GPC6: variants seen among roughly 807,000 people sequenced by gnomAD.
The protein encoded by GPC6 is glypican 6, also known as glypican-6.
Under a neutral mutation model 55.2 loss-of-function variants are expected in GPC6, and 14 were observed. The observed-to-expected ratio is 0.25, with a 90% CI of 0.17 to 0.40. GPC6 has a LOEUF of 0.40. Among genes scored for constraint, GPC6 ranks in the 10% least tolerant of loss-of-function variants. GPC6 has a pLI of 1.00. For missense variants in GPC6, 641 were observed against 708.5 expected (o/e 0.90, Z 1.08); for synonymous variants, 278 against 259.6 (o/e 1.07, Z -0.68).
At position 93,783,576 on chromosome 13, in the gene GPC6, G is replaced by GTCTATCTATCTATCTATCTATCTA. The variant is rs60855226; in HGVS notation, c.320-46573_320-46550dup. Among the ~76,000 whole-genome samples the GTCTATCTATCTATCTATCTATCTA allele has an allele frequency of 1.7e-4, 25 of 151,132 alleles. No homozygotes were observed. The South Asian group carries it at 3.1e-3, about 19-fold the overall frequency. On this transcript the variant is annotated intron_variant, in intron 2 of 8. Transcript: ENST00000377047. ...CTGTGGTTTTGAGATCTATCTATCT[G>GTCTATCTATCTATCTATCTATCTA]TCTATCTATCTATCTATCTATCTAT...
intron 4 of GPC6, among the ~76,000 whole-genome samples, chr13:94,128,300 T>C (rs1354685079): frequency 6.6e-6 from 1 of 152,134 alleles, no homozygotes; most frequent in Non-Finnish European, 1.5e-5. Flanking sequence ...GCTAAGTAAA[T>C]AATGATCACT....
chr13:93,757,674 C>G (rs1951846726), intron 2 of GPC6, among the ~76,000 whole-genome samples: 1 of 152,098 alleles, frequency 6.6e-6, no homozygotes, highest in South Asian at 2.1e-4. Flanking sequence ...ATGCTTGAGT[C>G]CTACAAGTCA....
At chr13:94,224,810 T>C (rs1430981453) in intron 4 of GPC6, among the ~76,000 whole-genome samples, 3 of 152,164 alleles carry the variant, frequency 2.0e-5, no homozygotes, top group Non-Finnish European at 4.4e-5. Flanking sequence ...CCCTAAGAAC[T>C]GTTGCACGAC....
At chr13:93,290,087 AAGG>A (rs1878268028) in intron 1 of GPC6, among the ~76,000 whole-genome samples, 1 of 152,154 alleles carries the variant, frequency 6.6e-6, no homozygotes, top group Non-Finnish European at 1.5e-5. Context: ...TAAATGAAGC[AAGG>A]AGGTTAATGT....
intron 2 of GPC6, among the ~76,000 whole-genome samples, chr13:93,743,166 G>A (rs921141307): frequency 6.6e-6 from 1 of 152,162 alleles, no homozygotes; most frequent in African/African-American, 2.4e-5. Flanking sequence ...AGGTAGAGAG[G>A]ATATCTGTGC....
intron 4 of GPC6, among the ~76,000 whole-genome samples, chr13:94,092,360 G>A (rs1885520851): frequency 6.6e-6 from 1 of 151,978 alleles, no homozygotes; most frequent in Admixed American, 6.6e-5. Flanking sequence ...GACTTTTTAA[G>A]ATTCCCATAT....
chr13:94,377,349 G>A (rs1421401215), intron 6 of GPC6, among the ~76,000 whole-genome samples: 1 of 92,242 alleles, frequency 1.1e-5, no homozygotes, highest in African/African-American at 3.9e-5. Flanking sequence ...AAATTTACAA[G>A]AAAAAAACAA....
intron 4 of GPC6, among the ~76,000 whole-genome samples, chr13:94,091,313 C>A (rs1358880329): frequency 6.8e-6 from 1 of 146,010 alleles, no homozygotes; most frequent in Non-Finnish European, 1.5e-5. Flanking sequence ...TATAAACTTG[C>A]AACTTGGAAC....
intron 1 of GPC6, among the ~76,000 whole-genome samples, chr13:93,285,159 C>T (rs923898770): frequency 3.3e-5 from 5 of 152,074 alleles, no homozygotes; most frequent in South Asian, 4.1e-4. Flanking sequence ...CTGTTATGCA[C>T]GTTAGTCTTT....
chr13:93,744,526 G>GTTTTT (rs1884319614), intron 2 of GPC6, among the ~76,000 whole-genome samples: 2 of 36,760 alleles, frequency 5.4e-5, no homozygotes, highest in South Asian at 1.4e-3. Flanking sequence ...GCTTTCCCTA[G>GTTTTT]TCTTTTTTTT....
At chr13:93,616,182 A>G (rs1220124924) in intron 2 of GPC6, among the ~76,000 whole-genome samples, 5 of 152,048 alleles carry the variant, frequency 3.3e-5, no homozygotes, top group Non-Finnish European at 1.5e-5. Context: ...TTCTATTCTC[A>G]TTTTTCCTTT....
intron 1 of GPC6, among the ~76,000 whole-genome samples, chr13:93,357,895 G>C (rs1880907347): frequency 6.6e-6 from 1 of 152,178 alleles, no homozygotes; most frequent in Non-Finnish European, 1.5e-5. Context: ...CTGTATGTTG[G>C]TGTTATCTGA....
chr13:93,728,442 T>C (rs1367150687), intron 2 of GPC6, among the ~76,000 whole-genome samples: 1 of 151,676 alleles, frequency 6.6e-6, no homozygotes, highest in African/African-American at 2.4e-5. Flanking sequence ...GGTCTCACTA[T>C]GTTGCCCAGG....
At chr13:93,971,867 C>T (rs919265336) in intron 3 of GPC6, among the ~76,000 whole-genome samples, 2 of 152,228 alleles carry the variant, frequency 1.3e-5, no homozygotes, top group Non-Finnish European at 2.9e-5. Context: ...CTCTAATGAC[C>T]ATGCCCCAAA....
At chr13:93,765,277 CT>C (rs66491415) in intron 2 of GPC6, among the ~76,000 whole-genome samples, 20 of 102,710 alleles carry the variant, frequency 1.9e-4, no homozygotes, top group Admixed American at 3.3e-4. Context: ...GGAAAGACAA[CT>C]TTCCAGATAA....
chr13:94,123,079 C>T (rs144755277), intron 4 of GPC6, among the ~76,000 whole-genome samples: 3,221 of 152,050 alleles, frequency 0.021, 53 homozygotes, highest in Non-Finnish European at 0.032. Context: ...TAGCCATTCT[C>T]ATATATGAGT....
At chr13:93,771,885 T>G (rs1158799836) in intron 2 of GPC6, among the ~76,000 whole-genome samples, 1 of 152,174 alleles carries the variant, frequency 6.6e-6, no homozygotes, top group Non-Finnish European at 1.5e-5. Flanking sequence ...TTAGATTAGT[T>G]TTAATAACAA....
intron 1 of GPC6, among the ~76,000 whole-genome samples, chr13:93,478,222 C>A (rs1594198745): frequency 6.6e-6 from 1 of 152,232 alleles, no homozygotes; most frequent in Non-Finnish European, 1.5e-5. Context: ...TTCTAGTCTC[C>A]AGTGAAAAAA....
At chr13:94,071,913 G>C (rs1884748375) in intron 4 of GPC6, among the ~76,000 whole-genome samples, 1 of 152,144 alleles carries the variant, frequency 6.6e-6, no homozygotes, top group African/African-American at 2.4e-5. Flanking sequence ...AAAGTATAAG[G>C]CTTGAATTTT....
Sources: gnomAD v4.1 joint callset for allele counts (sites outside exome capture counted in the v4.1 genomes callset) on GRCh38, gnomAD v4.1.1 for gene constraint, MANE v1.5 for transcripts, NCBI Gene and HGNC (gene_info 2026-07-23, HGNC 2026-07-21) for gene names.